DENND1B: variants seen among roughly 807,000 people sequenced by gnomAD.
DENND1B encodes DENN domain containing 1B, also known as DENN domain-containing protein 1B.
A neutral mutation model predicts 90.1 loss-of-function variants in DENND1B; 59 were observed. The ratio of observed to expected loss-of-function variants is 0.65; its 90% CI spans 0.53 to 0.81. The LOEUF is 0.81. DENND1B is among the 40% of genes least tolerant of loss of function. The probability of loss-of-function intolerance (pLI) is 0.00; values close to 1 mark genes in which losing one functional copy is unlikely to be tolerated. For synonymous variants in DENND1B, 337 were observed against 324.6 expected (o/e 1.04, Z -0.41); for missense variants, 862 against 912.6 (o/e 0.94, Z 0.71).
In DENND1B at chr1:197,613,646, A is replaced by C. The variant is rs905437555; in HGVS notation, c.774-1670T>G. ...ATTCCTTCTAGGTCTCCAGAGAAGA[A>C]GACATAAAATGCATATCACTAACAA... On this transcript the variant is annotated intron_variant, in intron 11 of 22. Transcript: ENST00000620048. Among the ~76,000 whole-genome samples the C allele has an allele frequency of 3.3e-5, 5 of 150,998 alleles. No individual in the cohort carries two copies. In the East Asian group the frequency reaches 7.8e-4, roughly 24 times the overall value.
intron 2 of DENND1B, among the ~76,000 whole-genome samples, chr1:197,729,258 A>G (rs1277625224): frequency 6.6e-6 from 1 of 152,098 alleles, no homozygotes; most frequent in Non-Finnish European, 1.5e-5. Flanking sequence ...ACACTTCATA[A>G]AGGCAGCTTT....
Position 197,508,365 on chromosome 1 carries a change from T to C in DENND1B, c.*2095A>G, listed in dbSNP as rs1667824980. 1 of 151,738 alleles carries C rather than the reference T, an allele frequency of 6.6e-6. No individual in the cohort carries two copies. The highest frequency in any genetic ancestry group is 6.6e-5 in the Admixed American group (1 of 15,184). 9.4% of individuals were successfully genotyped at this position (151,738 alleles called of 1,614,324 possible). A position where few individuals can be genotyped will look rare whatever the true frequency, so the allele number is the denominator to read the frequency against. Reference sequence around the variant, plus strand: ...TCTTCCATTATAAACTTCAGTAAAGTAAGTTGTAATTTTGTAATAAGCTTA... The same window carrying C: ...TCTTCCATTATAAACTTCAGTAAAGCAAGTTGTAATTTTGTAATAAGCTTA... On this transcript the variant is annotated 3_prime_UTR_variant, in exon 23 of 23. Transcript: ENST00000620048.
At chr1:197,529,513 G>A (rs1307899053) in intron 20 of DENND1B, among the ~76,000 whole-genome samples, 2 of 151,270 alleles carry the variant, frequency 1.3e-5, no homozygotes, top group Non-Finnish European at 2.9e-5. Context: ...TGTTAATGTC[G>A]ACTTGTAATA....
chr1:197,642,385 C>T (rs1443998769), intron 10 of DENND1B, among the ~76,000 whole-genome samples: 7 of 151,796 alleles, frequency 4.6e-5, no homozygotes, highest in Admixed American at 1.3e-4. Flanking sequence ...GAAAAAGCCA[C>T]AAGTGAATAA....
intron 2 of DENND1B, among the ~76,000 whole-genome samples, chr1:197,759,873 A>AT (rs1341182073): frequency 6.6e-6 from 1 of 152,116 alleles, no homozygotes; most frequent in East Asian, 1.9e-4. Context: ...CAGCTTTTAA[A>AT]TTTTTAACTC....
At chr1:197,538,853 C>T (rs973783598) in intron 20 of DENND1B, among the ~76,000 whole-genome samples, 2 of 151,760 alleles carry the variant, frequency 1.3e-5, no homozygotes, top group Non-Finnish European at 2.9e-5. Context: ...GGGTTCCACC[C>T]TCTTGGGTGG....
At chr1:197,596,662 C>A (rs1415141755) in intron 13 of DENND1B, among the ~76,000 whole-genome samples, 2 of 151,806 alleles carry the variant, frequency 1.3e-5, no homozygotes, top group African/African-American at 4.8e-5. Flanking sequence ...ACACACAACA[C>A]ATGCACACAT....
At position 197,645,177 on chromosome 1, in the gene DENND1B, C is replaced by T. The variant is rs951916822; in HGVS notation, c.561+513G>A. Among the ~76,000 whole-genome samples, 3 of 152,000 alleles carry T rather than the reference C, an allele frequency of 2.0e-5. No individual in the cohort carries two copies. In the East Asian group the frequency reaches 5.8e-4, roughly 29 times the overall value. On this transcript the variant is annotated intron_variant, in intron 9 of 22. Transcript: ENST00000620048. ...AAATTTCTTACAATAGCCATCAAAC[C>T]TTGCAAGATATGTATTGCTTTAAAT...
rs148719941 is a variant in DENND1B at position 197,621,209 on chromosome 1, G to A, written c.673-3450C>T. 9.8e-4 allele frequency among the ~76,000 whole-genome samples: 149 copies of A among 151,394 alleles called. 1 individual carries two copies. The highest frequency in any genetic ancestry group is 3.5e-3 in the East Asian group (18 of 5,112). ...GGCAAAGACTCTAAATATTATTCTC[G>A]ATGACATTTTTACATACCTCTGAAG... On this transcript the variant is annotated intron_variant, in intron 10 of 22. Transcript: ENST00000620048.
chr1:197,582,344 C>T (rs1037986483), intron 15 of DENND1B, among the ~76,000 whole-genome samples: 3 of 152,116 alleles, frequency 2.0e-5, no homozygotes, highest in African/African-American at 4.8e-5. Flanking sequence ...AGACTGTCAG[C>T]TTCTCAAGGG....
intron 10 of DENND1B, among the ~76,000 whole-genome samples, chr1:197,629,878 A>G (rs1400490043): frequency 4.6e-5 from 7 of 152,072 alleles, no homozygotes; most frequent in African/African-American, 1.7e-4. Flanking sequence ...CAATTAAGAA[A>G]TGGGTCAAAA....
chr1:197,778,114 T>C (rs1657344181), upstream of DENND1B, among the ~76,000 whole-genome samples: 1 of 152,234 alleles, frequency 6.6e-6, no homozygotes, highest in South Asian at 2.1e-4. Flanking sequence ...TTATAATTTC[T>C]ATATCTACCT....
intron 7 of DENND1B, among the ~76,000 whole-genome samples, chr1:197,650,498 T>A (rs1653011488): frequency 6.6e-6 from 1 of 152,172 alleles, no homozygotes. Context: ...CCATCTGATC[T>A]AGCAATCCCA....
intron 3 of DENND1B, among the ~76,000 whole-genome samples, chr1:197,688,444 A>T (rs973641595): frequency 6.6e-5 from 10 of 152,178 alleles, no homozygotes; most frequent in Non-Finnish European, 1.3e-4. Flanking sequence ...CAGTAATTAA[A>T]ACAGTACGGT....
rs574756729 is a variant in DENND1B, at chr1:197,699,138, A to G, written c.126+15893T>C. On this transcript the variant is annotated intron_variant, in intron 3 of 22. Transcript: ENST00000620048. ...GGAAAACTTCAGGCCAATATCCCCA[A>G]TGAACACCAATGCGAAAAATCCTCA... Among the ~76,000 whole-genome samples the G allele has an allele frequency of 3.2e-4, 49 of 152,326 alleles. 1 individual carries two copies. The South Asian group carries it at 5.0e-3, about 15-fold the overall frequency.
chr1:197,637,130 C>T (rs1679869362), intron 10 of DENND1B, among the ~76,000 whole-genome samples: 1 of 151,994 alleles, frequency 6.6e-6, no homozygotes, highest in African/African-American at 2.4e-5. Context: ...CCAACACATA[C>T]ATTATTTTCT....
At chr1:197,549,607 C>T (rs188048834) in intron 16 of DENND1B, among the ~76,000 whole-genome samples, 30 of 152,202 alleles carry the variant, frequency 2.0e-4, no homozygotes, top group Admixed American at 1.6e-3. Flanking sequence ...CTCAATATTT[C>T]TTACCTGCTT....
At chr1:197,587,956 T>C (rs1368262240) in intron 14 of DENND1B, among the ~76,000 whole-genome samples, 2 of 151,974 alleles carry the variant, frequency 1.3e-5, no homozygotes, top group Non-Finnish European at 2.9e-5. Flanking sequence ...CCCTCACATA[T>C]GCAGTTCATA....
chr1:197,604,616 C>T (rs1676510060), intron 13 of DENND1B, among the ~76,000 whole-genome samples: 2 of 151,078 alleles, frequency 1.3e-5, no homozygotes, highest in African/African-American at 2.4e-5. Context: ...AATTTAAATG[C>T]TTTGGTGAAG....
Sources: gnomAD v4.1 joint callset for allele counts (sites outside exome capture counted in the v4.1 genomes callset) on GRCh38, gnomAD v4.1.1 for gene constraint, MANE v1.5 for transcripts, NCBI Gene and HGNC (gene_info 2026-07-23, HGNC 2026-07-21) for gene names.